The following ANO10 variants were observed in gnomAD, a reference collection of about 807,000 sequenced individuals.
ANO10 encodes anoctamin-10.
In ANO10, 77 loss-of-function variants were observed where a neutral mutation model predicts 74.7. The observed-to-expected ratio is 1.03, with a 90% CI of 0.86 to 1.25. ANO10 has a LOEUF of 1.25. ANO10 is among the 50% of genes most tolerant of loss of function. ANO10 has a pLI of 0.00. For missense variants in ANO10, 721 were observed against 778.1 expected, an observed-to-expected ratio of 0.93 and a Z score of 0.87; for synonymous variants, 279 against 284.9, an observed-to-expected ratio of 0.98 and a Z score of 0.21.
At chr3:43,668,281 G>GA (rs1553612172) in intron 1 of ANO10, among the ~76,000 whole-genome samples, 1 of 147,206 alleles carries the variant, frequency 6.8e-6, no homozygotes, top group Non-Finnish European at 1.5e-5. Context: ...TTATGGGATT[G>GA]TTTTTTTTTT....
chr3:43,691,533 C>T (rs2084385270), exon 1 of ANO10: 5 of 152,478 alleles, frequency 3.3e-5, no homozygotes, highest in Admixed American at 3.3e-4. Flanking sequence ...TCTGTCCAGC[C>T]TCAGCCACTG....
chr3:43,390,428 T>G (rs560685914), intron 12 of ANO10, among the ~76,000 whole-genome samples: 1 of 152,380 alleles, frequency 6.6e-6, no homozygotes, highest in Non-Finnish European at 1.5e-5. Context: ...GCAGGTTTTT[T>G]GTTTCAGGGT....
intron 11 of ANO10, among the ~76,000 whole-genome samples, chr3:43,546,893 A>G (rs1575396366): frequency 6.6e-6 from 1 of 152,290 alleles, no homozygotes; most frequent in East Asian, 1.9e-4. Flanking sequence ...TAACGGCTAT[A>G]AAGTTCCTTA....
At chr3:43,434,708 G>A (rs148505630) in intron 11 of ANO10, among the ~76,000 whole-genome samples, 131 of 152,318 alleles carry the variant, frequency 8.6e-4, no homozygotes, top group African/African-American at 2.9e-3. Context: ...CATCTGGAAG[G>A]TGTAAACTCT....
At chr3:43,603,777 C>T (rs963932968) in intron 2 of ANO10, among the ~76,000 whole-genome samples, 4 of 152,144 alleles carry the variant, frequency 2.6e-5, no homozygotes, top group African/African-American at 9.7e-5. Context: ...TAGCAACCCC[C>T]TGATTTCTGC....
intron 11 of ANO10, among the ~76,000 whole-genome samples, chr3:43,480,357 C>T (rs1425144145): frequency 6.6e-6 from 1 of 152,160 alleles, no homozygotes; most frequent in Non-Finnish European, 1.5e-5. Flanking sequence ...AGTGTTAAGT[C>T]CCTCTGATCG....
At chr3:43,555,587 C>T in intron 9 of ANO10, 118 bp from the exon 10 acceptor site, 1 of 957,420 alleles carries the variant, frequency 1.0e-6, no homozygotes, top group South Asian at 1.5e-5. Flanking sequence ...AGTTTCCCCA[C>T]CATACACCAG....
At chr3:43,419,351 T>C (rs1023682738) in intron 12 of ANO10, among the ~76,000 whole-genome samples, 1 of 152,230 alleles carries the variant, frequency 6.6e-6, no homozygotes, top group South Asian at 2.1e-4. Flanking sequence ...TAGAACATCG[T>C]AGAAGCTGAC....
At chr3:43,371,950 T>C (rs2091626854) in intron 12 of ANO10, among the ~76,000 whole-genome samples, 1 of 152,156 alleles carries the variant, frequency 6.6e-6, no homozygotes, top group Non-Finnish European at 1.5e-5. Context: ...GGCTTGGTGG[T>C]GCCATAAGGC....
At chr3:43,560,221 A>G (rs1383811097) in intron 9 of ANO10, among the ~76,000 whole-genome samples, 2 of 152,204 alleles carry the variant, frequency 1.3e-5, no homozygotes, top group Non-Finnish European at 2.9e-5. Context: ...CTCTGTGACC[A>G]GATCTATAAA....
Position 43,457,375 on chromosome 3 carries a change from C to T in ANO10, c.1798-24648G>A, listed in dbSNP as rs568495755. 1.1e-4 allele frequency among the ~76,000 whole-genome samples: 16 copies of T among 152,290 alleles called. No homozygotes were observed. In the East Asian group the frequency reaches 2.9e-3, roughly 28 times the overall value. On this transcript the variant is annotated intron_variant, in intron 11 of 12. Transcript: ENST00000292246. ...TTAACTGACTCACAGTTCTGCATGGCTGGGGAGGCCTCAGGAAACTTACAA... is the reference window on the plus strand; with the variant it reads ...TTAACTGACTCACAGTTCTGCATGGTTGGGGAGGCCTCAGGAAACTTACAA...
intron 1 of ANO10, among the ~76,000 whole-genome samples, chr3:43,653,665 C>T (rs2083813704): frequency 6.6e-6 from 1 of 152,136 alleles, no homozygotes; most frequent in East Asian, 1.9e-4. Flanking sequence ...ACCTAAGTCT[C>T]TAATAATAGG....
chr3:43,580,498 G>A (rs901778139), intron 4 of ANO10, 26 bp from the exon 5 acceptor site: 5 of 1,611,246 alleles, frequency 3.1e-6, no homozygotes, highest in African/African-American at 1.3e-5. Context: ...GTGCCAAACT[G>A]CATGAAATGG....
At chr3:43,689,012 T>C (rs974712683) in intron 1 of ANO10, among the ~76,000 whole-genome samples, 1 of 152,126 alleles carries the variant, frequency 6.6e-6, no homozygotes, top group Admixed American at 6.5e-5. Flanking sequence ...GCATCTTACA[T>C]GACTAGAGCA....
intron 4 of ANO10, among the ~76,000 whole-genome samples, chr3:43,594,323 A>T (rs1412000463): frequency 6.6e-6 from 1 of 152,206 alleles, no homozygotes; most frequent in Non-Finnish European, 1.5e-5. Context: ...TCTCAGCACC[A>T]CATCACACTT....
intron 4 of ANO10, among the ~76,000 whole-genome samples, chr3:43,584,912 T>C (rs145718358): frequency 6.6e-6 from 1 of 152,230 alleles, no homozygotes; most frequent in African/African-American, 2.4e-5. Context: ...GGGTATCACA[T>C]TGGGCAGACT....
chr3:43,460,788 T>C (rs923601488), intron 11 of ANO10, among the ~76,000 whole-genome samples: 14 of 152,198 alleles, frequency 9.2e-5, no homozygotes, highest in African/African-American at 3.4e-4. Flanking sequence ...AGAGGGTTTT[T>C]TTTAAAAAAA....
At chr3:43,574,352 C>T (rs1324527526) in intron 7 of ANO10, among the ~76,000 whole-genome samples, 1 of 151,406 alleles carries the variant, frequency 6.6e-6, no homozygotes, top group African/African-American at 2.4e-5. Context: ...CTCACTGCAA[C>T]CTCCACCTCC....
intron 11 of ANO10, among the ~76,000 whole-genome samples, chr3:43,443,735 C>T (rs1257563359): frequency 2.2e-5 from 3 of 135,290 alleles, no homozygotes; most frequent in African/African-American, 5.6e-5. Context: ...GGCTGGAGTG[C>T]AATGGCACAG....
Sources: gnomAD v4.1 joint callset for allele counts (sites outside exome capture counted in the v4.1 genomes callset) on GRCh38, gnomAD v4.1.1 for gene constraint, MANE v1.5 for transcripts, NCBI Gene and HGNC (gene_info 2026-07-23, HGNC 2026-07-21) for gene names.